XCR1: variants seen among roughly 807,000 people sequenced by gnomAD.
The protein encoded by XCR1 is X-C motif chemokine receptor 1.
For synonymous variants in XCR1, 187 were observed against 188.5 expected (o/e 0.99, Z 0.06); for missense variants, 356 against 424.2 (o/e 0.84, Z 1.41).
intron 4 of XCR1, among the ~76,000 whole-genome samples, chr3:46,059,624 T>C (rs530686862): frequency 4.6e-5 from 7 of 152,276 alleles, no homozygotes; most frequent in African/African-American, 1.7e-4. Context: ...ACATGCAGTA[T>C]ACGTATTCCA....
chr3:46,033,401 G>T (rs1697343221), intron 5 of XCR1, among the ~76,000 whole-genome samples: 1 of 152,130 alleles, frequency 6.6e-6, no homozygotes, highest in South Asian at 2.1e-4. Flanking sequence ...TTTGCATGTA[G>T]ATGTACAATT....
chr3:46,043,122 C>T (rs927055915), intron 5 of XCR1, among the ~76,000 whole-genome samples: 1 of 151,976 alleles, frequency 6.6e-6, no homozygotes, highest in African/African-American at 2.4e-5. Context: ...AATTAAATAC[C>T]CTTTCATGAT....
At chr3:46,069,473 C>T (rs548173146) in intron 3 of XCR1, among the ~76,000 whole-genome samples, 34 of 152,090 alleles carry the variant, frequency 2.2e-4, no homozygotes, top group African/African-American at 7.7e-4. Context: ...AACCCTTGTA[C>T]GGGGGGGTTA....
In XCR1 at chr3:46,021,460, A is replaced by T. The variant is rs1262593015; in HGVS notation, c.488T>A (p.Leu163His). 6.2e-7 allele frequency: 1 copy of T among 1,613,980 alleles called. No individual in the cohort carries two copies. Among genetic ancestry groups the T allele is most frequent in the East Asian group, 2.2e-5 (1 of 44,892 alleles). The stretch of plus-strand genomic sequence containing the variant: ...AAGCACCTTGTGGAAGATGGTGTCG[A>T]GGATGGAGGACAGGATGCTGGCTAC... Reference protein sequence around the residue: ...VWVASILSSILDTIFHKVLSS... With the variant: ...VWVASILSSIHDTIFHKVLSS... The change falls in exon 2 of 2, where the codon CTC becomes CAC. Residue 163 changes from leucine to histidine, a missense_variant. Transcript: ENST00000309285. The surrounding 1 kb of genome is among the most constrained non-coding windows in gnomAD (Gnocchi z 4.7).
intron 5 of XCR1, among the ~76,000 whole-genome samples, chr3:46,037,475 T>C (rs1697450447): frequency 6.6e-6 from 1 of 152,144 alleles, no homozygotes; most frequent in African/African-American, 2.4e-5. Flanking sequence ...GGTGAATTTT[T>C]GTCCTAAAAT....
chr3:46,073,625 A>G (rs897472474), intron 3 of XCR1, among the ~76,000 whole-genome samples: 9 of 152,118 alleles, frequency 5.9e-5, no homozygotes, highest in Admixed American at 5.9e-4. Context: ...AATAAACAAC[A>G]GAGTGGACAG....
chr3:46,071,662 A>G lies in XCR1; in HGVS notation c.-263+2989T>C, dbSNP rs576592412. Among the ~76,000 whole-genome samples the G allele has an allele frequency of 3.3e-5, 5 of 152,344 alleles. No individual in the cohort carries two copies. In the East Asian group the frequency reaches 9.6e-4, roughly 29 times the overall value. On this transcript the variant is annotated intron_variant, in intron 3 of 5. Transcript: ENST00000683768. ...ATACAAGGATGATTCAACATATGCA[A>G]ATCAATACATGTGATTCACCACATA...
chr3:46,064,563 T>C (rs1316261673), intron 4 of XCR1, among the ~76,000 whole-genome samples: 1 of 152,204 alleles, frequency 6.6e-6, no homozygotes, highest in East Asian at 1.9e-4. Context: ...GTGACATTCT[T>C]GGACTTGTAG....
intron 5 of XCR1, among the ~76,000 whole-genome samples, chr3:46,053,357 A>G (rs35892324): frequency 0.37 from 50,324 of 136,618 alleles, 10,535 homozygotes; most frequent in South Asian, 0.53. Context: ...CTCTCCAGCC[A>G]TGGCAGCAGA....
At chr3:46,023,830 A>T in intron 1 of XCR1, 2 of 1,529,914 alleles carry the variant, frequency 1.3e-6, no homozygotes, top group Non-Finnish European at 1.8e-6. Context: ...TGCAGATTTG[A>T]AGAGACGTGT....
intron 4 of XCR1, among the ~76,000 whole-genome samples, chr3:46,060,168 A>G (rs1315303485): frequency 6.6e-6 from 1 of 152,208 alleles, no homozygotes. Context: ...TGTTTATATA[A>G]CATAGCTGTA....
rs373424307 is a variant in XCR1, at chr3:46,057,689, A to T, written c.-182-3619T>A. The stretch of plus-strand genomic sequence containing the variant: ...ATTCCTCCTAGAGTTGAAAGGCGTG[A>T]ATGCAGAACTGGTTTCCCTGAAGAA... On this transcript the variant is annotated intron_variant, in intron 4 of 5. Transcript: ENST00000683768. 2.0e-5 allele frequency among the ~76,000 whole-genome samples: 3 copies of T among 152,160 alleles called. No individual in the cohort carries two copies. The South Asian group carries it at 6.2e-4, about 32-fold the overall frequency.
Position 46,050,938 on chromosome 3 carries a change from T to C in XCR1, c.-32+2982A>G, listed in dbSNP as rs1219317490. Among the ~76,000 whole-genome samples, 29 of 152,204 alleles carry C rather than the reference T, an allele frequency of 1.9e-4. 1 individual carries two copies. Among genetic ancestry groups the C allele is most frequent in the Admixed American group, 1.9e-3 (29 of 15,280 alleles). On this transcript the variant is annotated intron_variant, in intron 5 of 5. Transcript: ENST00000683768. ...TCTGGACTTTTTTTGGAATAACAAA[T>C]ACCGGTGAATTCCAGGGGCTGACTT...
At chr3:46,039,016 A>C (rs1386196030) in intron 5 of XCR1, among the ~76,000 whole-genome samples, 1 of 151,924 alleles carries the variant, frequency 6.6e-6, no homozygotes, top group East Asian at 1.9e-4. Flanking sequence ...GTTATCTTTG[A>C]CCCAAAGCCA....
At chr3:46,030,842 G>C (rs1457982182), upstream of XCR1, among the ~76,000 whole-genome samples, 1 of 152,224 alleles carries the variant, frequency 6.6e-6, no homozygotes, top group Non-Finnish European at 1.5e-5. Flanking sequence ...CTACTCTCAG[G>C]CCTGGAGCCT....
At chr3:46,065,936 T>A (rs979969519) in intron 4 of XCR1, among the ~76,000 whole-genome samples, 1 of 152,198 alleles carries the variant, frequency 6.6e-6, no homozygotes, top group African/African-American at 2.4e-5. Context: ...CACGTAGGGA[T>A]GTCCCTGGGG....
At chr3:46,037,119 G>A (rs893773246) in intron 5 of XCR1, among the ~76,000 whole-genome samples, 3 of 151,932 alleles carry the variant, frequency 2.0e-5, no homozygotes, top group Non-Finnish European at 4.4e-5. Flanking sequence ...GGCAGTTGAG[G>A]GTTTCTTGCC....
At chr3:46,082,316 G>T (rs72889761) in intron 1 of XCR1, among the ~76,000 whole-genome samples, 4,727 of 151,928 alleles carry the variant, frequency 0.031, 248 homozygotes, top group African/African-American at 0.1. Flanking sequence ...TACTTATGGC[G>T]TTAGGCCTCC....
chr3:46,031,627 GT>G (rs1708397077), upstream of XCR1, among the ~76,000 whole-genome samples: 1 of 152,208 alleles, frequency 6.6e-6, no homozygotes, highest in Non-Finnish European at 1.5e-5. Flanking sequence ...AAAGGGCCAG[GT>G]CCCTGGTGAA....
Sources: allele counts gnomAD v4.1 joint callset (sites outside exome capture counted in the v4.1 genomes callset), GRCh38; gene constraint gnomAD v4.1.1; non-coding constraint Gnocchi (gnomAD v3.1); transcripts MANE v1.5; gene names NCBI Gene and HGNC (gene_info 2026-07-23, HGNC 2026-07-21).